UGT2A1: variants seen among roughly 807,000 people sequenced by gnomAD.
UGT2A1 encodes UDP-glucuronosyltransferase 2A1.
A neutral mutation model predicts 45.4 loss-of-function variants in UGT2A1; 61 were observed. That is an observed-to-expected ratio of 1.34 (90% CI 1.09 to 1.66). The LOEUF (loss-of-function observed/expected upper bound fraction) is 1.66. Among genes scored for constraint, UGT2A1 ranks in the 40% most tolerant of loss-of-function variants. The pLI is 0.00. For missense variants in UGT2A1, 649 were observed against 574.3 expected, an observed-to-expected ratio of 1.13 and a Z score of -1.33; for synonymous variants, 229 against 196.2, an observed-to-expected ratio of 1.17 and a Z score of -1.40.
Position 69,646,986 on chromosome 4 carries a change from T to C in UGT2A1, c.659A>G (p.Asp220Gly), listed in dbSNP as rs1397036743. 2 of 1,611,040 alleles carry C rather than the reference T, an allele frequency of 1.2e-6. No individual in the cohort carries two copies. Among genetic ancestry groups the C allele is most frequent in the Non-Finnish European group, 1.7e-6 (2 of 1,178,436 alleles). ...TTTCCAAAGAGTTTCAAACATGTAG[T>C]CCTGTAGGTGGTAGGAGATGAAATT... ...IRNFISYHLQ[D>G]YMFETLWKSW... Residue 220 changes from aspartate to glycine, a missense_variant, in exon 2 of 7, where the codon GAC (aspartate) becomes GGC (glycine). Transcript: ENST00000286604.
At position 69,606,551 on chromosome 4, in the gene UGT2A1, T is replaced by C. The variant is rs1224069799; in HGVS notation, c.848-7157A>G. Among the ~76,000 whole-genome samples, 26 of 136,264 alleles carry C rather than the reference T, an allele frequency of 1.9e-4. 6 individuals carry two copies. Among genetic ancestry groups the C allele is most frequent in the African/African-American group, 6.9e-4 (23 of 33,568 alleles). The allele number at this position is 136,264 out of a possible 152,430, so 89.4% of individuals were successfully genotyped here. Reference sequence around the variant, plus strand: ...CCTCTCTCACCACTCCTATTCAACATAGTGTTGGAAGTTCTGGCCAGTGCA... The same window carrying C: ...CCTCTCTCACCACTCCTATTCAACACAGTGTTGGAAGTTCTGGCCAGTGCA... On this transcript the variant is annotated intron_variant, in intron 3 of 6. Transcript: ENST00000286604.
intron 6 of UGT2A1, among the ~76,000 whole-genome samples, chr4:69,593,633 G>A (rs1028576837): frequency 4.0e-5 from 6 of 151,180 alleles, no homozygotes; most frequent in African/African-American, 1.2e-4. Flanking sequence ...TCTAAAAGCT[G>A]AATCAGATAA....
At chr4:69,647,795 C>T in intron 1 of UGT2A1, 97 bp from the exon 2 acceptor site, 2 of 511,320 alleles carry the variant, frequency 3.9e-6, no homozygotes, top group Non-Finnish European at 6.7e-6. Context: ...TGATACTAGT[C>T]ATAGTAGCTC....
chr4:69,642,962 G>A (rs1314732581), intron 2 of UGT2A1, among the ~76,000 whole-genome samples: 2 of 151,204 alleles, frequency 1.3e-5, no homozygotes, highest in African/African-American at 4.8e-5. Context: ...TTAAATAAAA[G>A]TAAAAATGAA....
intron 2 of UGT2A1, chr4:69,639,581 AT>A: frequency 6.2e-7 from 1 of 1,610,436 alleles, no homozygotes; most frequent in South Asian, 1.1e-5. Flanking sequence ...TCAGAGTCAA[AT>A]TAAAAACCAG....
In UGT2A1 at chr4:69,647,039, G is replaced by T. The variant is rs1361478935; in HGVS notation, c.606C>A (p.Asp202Glu). ...YVPAVLSELT[D>E]QMSFTDRIRN... ...TTATTCTGTCAGTGAAAGACATTTG[G>T]TCGGTGAGTTCTGATAAAACAGCAG... The change falls in exon 2 of 7, where the codon GAC (aspartate) becomes GAA (glutamate). Residue 202 changes from aspartate (D) to glutamate (E), a missense_variant. Asp to Glu is a conservative substitution (Grantham distance 45). Coordinates refer to ENST00000286604, the MANE Select transcript of UGT2A1 (RefSeq NM_001252275.3). 1 of 1,612,812 alleles carries T rather than the reference G, an allele frequency of 6.2e-7. No individual in the cohort carries two copies. Among genetic ancestry groups the T allele is most frequent in the Non-Finnish European group, 8.5e-7 (1 of 1,179,206 alleles).
intron 3 of UGT2A1, among the ~76,000 whole-genome samples, chr4:69,607,234 G>T (rs1355833966): frequency 7.1e-6 from 1 of 141,686 alleles, no homozygotes; most frequent in African/African-American, 2.6e-5. Context: ...AAGACCAATG[G>T]AACAGAACAG....
intron 2 of UGT2A1, among the ~76,000 whole-genome samples, chr4:69,636,854 A>G (rs1474803889): frequency 1.3e-5 from 2 of 152,180 alleles, no homozygotes; most frequent in African/African-American, 4.8e-5. Context: ...ACCCTATTTT[A>G]AAGAAGAGAA....
At chr4:69,648,913 A>G (rs1212510183) in intron 1 of UGT2A1, among the ~76,000 whole-genome samples, 1 of 152,058 alleles carries the variant, frequency 6.6e-6, no homozygotes, top group East Asian at 1.9e-4. Context: ...ATAGATTGCC[A>G]CATCAAAATG....
chr4:69,616,833 CTTTT>C (rs4148315), intron 3 of UGT2A1, among the ~76,000 whole-genome samples: 15 of 127,298 alleles, frequency 1.2e-4, no homozygotes, highest in African/African-American at 2.0e-4. Context: ...ATTTTCTTTT[CTTTT>C]TTTTTTTTTT....
At chr4:69,606,190 C>A (rs1202683049) in intron 3 of UGT2A1, among the ~76,000 whole-genome samples, 4 of 136,168 alleles carry the variant, frequency 2.9e-5, no homozygotes, top group Admixed American at 2.9e-4. Context: ...TACTGGCAAA[C>A]CAAATCCAGC....
intron 3 of UGT2A1, chr4:69,603,511 T>A (rs1577956287): frequency 7.3e-6 from 1 of 136,060 alleles, no homozygotes; most frequent in Non-Finnish European, 1.6e-5. Context: ...TCAGAGTGCC[T>A]CTCCTCCTCC....
At chr4:69,628,980 A>G (rs960778648) in intron 3 of UGT2A1, among the ~76,000 whole-genome samples, 2 of 151,836 alleles carry the variant, frequency 1.3e-5, no homozygotes, top group African/African-American at 4.8e-5. Context: ...ATTGATACCA[A>G]AGAGAAAGGG....
intron 2 of UGT2A1, among the ~76,000 whole-genome samples, chr4:69,637,790 C>T (rs1389838485): frequency 6.6e-6 from 1 of 151,992 alleles, no homozygotes; most frequent in East Asian, 1.9e-4. Context: ...TTGTTGTATT[C>T]CTACCACTTA....
chr4:69,633,381 T>C (rs1435238818), intron 3 of UGT2A1, among the ~76,000 whole-genome samples: 4 of 152,176 alleles, frequency 2.6e-5, no homozygotes, highest in African/African-American at 4.8e-5. Flanking sequence ...GGTTTACTAG[T>C]TTGCACAACC....
chr4:69,639,717 A>C (rs1721947714), intron 2 of UGT2A1: 1 of 1,382,180 alleles, frequency 7.2e-7, no homozygotes, highest in East Asian at 2.5e-5. Context: ...AGTAATATTT[A>C]GTGCGATGGT....
At chr4:69,641,168 C>T (rs1052068798) in intron 2 of UGT2A1, among the ~76,000 whole-genome samples, 1 of 151,796 alleles carries the variant, frequency 6.6e-6, no homozygotes, top group Non-Finnish European at 1.5e-5. Flanking sequence ...CCCTAAATTA[C>T]CCAGAGTAAG....
chr4:69,607,627 C>A (rs1048082127), intron 3 of UGT2A1, among the ~76,000 whole-genome samples: 2 of 152,132 alleles, frequency 1.3e-5, no homozygotes, highest in Non-Finnish European at 2.9e-5. Flanking sequence ...TCAGAGTGAA[C>A]AGGCAACCTA....
chr4:69,650,566 A>G (rs2109984158), intron 1 of UGT2A1, among the ~76,000 whole-genome samples: 1 of 151,986 alleles, frequency 6.6e-6, no homozygotes, highest in East Asian at 1.9e-4. Flanking sequence ...AATAAACAAC[A>G]TATCTGTTAA....
Sources: gnomAD v4.1 joint callset for allele counts (sites outside exome capture counted in the v4.1 genomes callset) on GRCh38, gnomAD v4.1.1 for gene constraint, MANE v1.5 for transcripts, NCBI Gene and HGNC (gene_info 2026-07-23, HGNC 2026-07-21) for gene names.